The following PCDHGC3 variants were observed in gnomAD, a reference collection of about 807,000 sequenced individuals.
The protein encoded by PCDHGC3 is protocadherin gamma-C3.
In PCDHGC3, 26 loss-of-function variants were observed where a neutral mutation model predicts 59.2. The observed-to-expected ratio is 0.44, with a 90% CI of 0.32 to 0.61. PCDHGC3 has a LOEUF of 0.61. PCDHGC3 is among the 20% of genes least tolerant of loss of function. The pLI, the probability that PCDHGC3 is intolerant of heterozygous loss-of-function variation, is 0.05. For missense variants in PCDHGC3, 1,080 were observed against 1,221.8 expected, an observed-to-expected ratio of 0.88 and a Z score of 1.73; for synonymous variants, 487 against 519.7, an observed-to-expected ratio of 0.94 and a Z score of 0.86.
chr5:141,491,571 C>G lies in PCDHGC3; in HGVS notation c.2431-3236C>G. The G allele has an allele frequency of 6.2e-7, 1 of 1,614,026 alleles. No individual in the cohort carries two copies. The highest frequency in any genetic ancestry group is 8.5e-7 in the Non-Finnish European group (1 of 1,180,042). ...CGCAGAGCCACTGCTACAGGACGTG[C>G]TTTTCACCGGCCTCGGACGGCAGTG... On this transcript the variant is annotated intron_variant, in intron 1 of 3. Transcript: ENST00000308177. This position sits in a 1 kb window ranked among gnomAD's most constrained non-coding sequence, Gnocchi z 6.9.
intron 1 of PCDHGC3, among the ~76,000 whole-genome samples, chr5:141,482,592 C>T (rs187714622): frequency 1.0e-4 from 15 of 142,934 alleles, no homozygotes; most frequent in East Asian, 6.1e-4. Context: ...TGGGACCAAA[C>T]GGGAAAAAAC....
intron 1 of PCDHGC3, among the ~76,000 whole-genome samples, chr5:141,478,961 C>T (rs887338339): frequency 6.6e-6 from 1 of 152,206 alleles, no homozygotes; most frequent in Non-Finnish European, 1.5e-5. Context: ...CCTCATTCCT[C>T]CACCTTTCAA....
chr5:141,500,491 G>A (rs1595677531), intron 2 of PCDHGC3, among the ~76,000 whole-genome samples: 1 of 152,156 alleles, frequency 6.6e-6, no homozygotes, highest in East Asian at 1.9e-4. Context: ...TTACAGGCGT[G>A]AGCCACCGCG....
In PCDHGC3 at chr5:141,481,831, G is replaced by A. The variant is rs35816779; in HGVS notation, c.2430+3285G>A. On this transcript the variant is annotated intron_variant, in intron 1 of 3. Coordinates refer to ENST00000308177, the MANE Select transcript of PCDHGC3 (RefSeq NM_002588.4). ...ACCAGGCGTGGTGGCTGAGGCAGGAGAATCGCTTGATGGTGGAGGTTGCAG... is the reference window on the plus strand; with the variant it reads ...ACCAGGCGTGGTGGCTGAGGCAGGAAAATCGCTTGATGGTGGAGGTTGCAG... Among the ~76,000 whole-genome samples the A allele has an allele frequency of 1.9e-3, 280 of 149,560 alleles. 1 individual carries two copies. The highest frequency in any genetic ancestry group is 0.01 in the Middle Eastern group (3 of 290).
In PCDHGC3 at chr5:141,490,291, C is replaced by T; in HGVS notation, c.2431-4516C>T. 6.2e-7 allele frequency: 1 copy of T among 1,614,212 alleles called. No homozygotes were observed. Among genetic ancestry groups the T allele is most frequent in the Non-Finnish European group, 8.5e-7 (1 of 1,180,048 alleles). On this transcript the variant is annotated intron_variant, in intron 1 of 3. Transcript: ENST00000308177. The surrounding 1 kb of genome is among the most constrained non-coding windows in gnomAD (Gnocchi z 5.4). ...TGTCAATGACAATGCCCCAGAGGTG[C>T]TATTGGCCTCTTTGGCCAACCCTGT...
Position 141,485,875 on chromosome 5 carries a change from C to T in PCDHGC3, c.2430+7329C>T, listed in dbSNP as rs1254918181. The T allele has an allele frequency of 1.9e-6, 3 of 1,614,150 alleles. No homozygotes were observed. The highest frequency in any genetic ancestry group is 2.2e-5 in the East Asian group (1 of 44,862). On this transcript the variant is annotated intron_variant, in intron 1 of 3. Transcript: ENST00000308177. This position sits in a 1 kb window ranked among gnomAD's most constrained non-coding sequence, Gnocchi z 5.7. ...CAGAGCTCCGGGTATCCGTGCTGGACGTAAACGACAACGCCCCAGCCTTCC... is the reference window on the plus strand; with the variant it reads ...CAGAGCTCCGGGTATCCGTGCTGGATGTAAACGACAACGCCCCAGCCTTCC...
At chr5:141,499,025 GAAGA>G (rs1309889371) in intron 2 of PCDHGC3, among the ~76,000 whole-genome samples, 11 of 140,712 alleles carry the variant, frequency 7.8e-5, no homozygotes, top group African/African-American at 2.6e-4. Flanking sequence ...AGGAAGGAAG[GAAGA>G]AAAGAAAGAA....
Position 141,491,620 on chromosome 5 carries a change from A to C in PCDHGC3, c.2431-3187A>C. On this transcript the variant is annotated intron_variant, in intron 1 of 3. Coordinates refer to ENST00000308177, the MANE Select transcript of PCDHGC3 (RefSeq NM_002588.4). This position sits in a 1 kb window ranked among gnomAD's most constrained non-coding sequence, Gnocchi z 6.9. ...TGACTTCACTTTTCTAAGACCCCTC[A>C]GCGTTCAGCAGCCCACAGCTCTGGC... is the stretch of plus-strand genomic sequence containing the variant. 6.2e-7 allele frequency: 1 copy of C among 1,613,906 alleles called. No individual in the cohort carries two copies. The highest frequency in any genetic ancestry group is 1.1e-5 in the South Asian group (1 of 91,084).
rs1283050252 is a variant in PCDHGC3, at chr5:141,512,909, T to G, written c.*1736T>G. ...CCTCTTCCTGTGTCTCACGCAAGTT[T>G]TATACTCTAATATTTATATGGCTTT... On this transcript the variant is annotated 3_prime_UTR_variant, in exon 4 of 4. Coordinates refer to ENST00000308177, the MANE Select transcript of PCDHGC3 (RefSeq NM_002588.4). 6.6e-6 allele frequency: 1 copy of G among 152,268 alleles called. No homozygotes were observed. The highest frequency in any genetic ancestry group is 1.5e-5 in the Non-Finnish European group (1 of 68,056). 9.4% of individuals were successfully genotyped at this position (152,268 alleles called of 1,614,324 possible).
Position 141,491,795 on chromosome 5 carries a change from C to T in PCDHGC3, c.2431-3012C>T. On this transcript the variant is annotated intron_variant, in intron 1 of 3. Coordinates refer to ENST00000308177, the MANE Select transcript of PCDHGC3 (RefSeq NM_002588.4). This position sits in a 1 kb window ranked among gnomAD's most constrained non-coding sequence, Gnocchi z 6.9. ...GGATTGAACTTGCATCCACTCCTCT[C>T]CGGCCGGCTTGGTCGCTGGCTGCGC... 6 of 1,511,694 alleles carry T rather than the reference C, an allele frequency of 4.0e-6. No individual in the cohort carries two copies. Among genetic ancestry groups the T allele is most frequent in the Non-Finnish European group, 5.3e-6 (6 of 1,130,430 alleles). 93.6% of individuals were successfully genotyped at this position (1,511,694 alleles called of 1,614,324 possible).
rs1161697588 is a variant in PCDHGC3, at chr5:141,491,464, T to C, written c.2431-3343T>C. 7 of 1,613,982 alleles carry C rather than the reference T, an allele frequency of 4.3e-6. No homozygotes were observed. In the African/African-American group the frequency reaches 9.3e-5, roughly 22 times the overall value. On this transcript the variant is annotated intron_variant, in intron 1 of 3. Transcript: ENST00000308177. This position sits in a 1 kb window ranked among gnomAD's most constrained non-coding sequence, Gnocchi z 6.9. ...CCAGGACTCACCCTCCCCGGACTTCTATAAGCAGTCCAGCCCCAACCTGCA... is the reference window on the plus strand; with the variant it reads ...CCAGGACTCACCCTCCCCGGACTTCCATAAGCAGTCCAGCCCCAACCTGCA...
rs1446853595 is a variant in PCDHGC3, at chr5:141,491,363, C to T, written c.2431-3444C>T. ...ACCGTCAGTCTCTTATCCCTAGTCA[C>T]CTTCACCTTTCTGTCAGCGAAGTGC... On this transcript the variant is annotated intron_variant, in intron 1 of 3. Coordinates refer to ENST00000308177, the MANE Select transcript of PCDHGC3 (RefSeq NM_002588.4). This position sits in a 1 kb window ranked among gnomAD's most constrained non-coding sequence, Gnocchi z 6.9. The T allele has an allele frequency of 6.2e-7, 1 of 1,614,182 alleles. No individual in the cohort carries two copies. Among genetic ancestry groups the T allele is most frequent in the South Asian group, 1.1e-5 (1 of 91,082 alleles).
At position 141,478,359 on chromosome 5, in the gene PCDHGC3, G is replaced by A; in HGVS notation, c.2243G>A (p.Arg748Gln). 6.2e-7 allele frequency: 1 copy of A among 1,613,734 alleles called. No individual in the cohort carries two copies. The highest frequency in any genetic ancestry group is 8.5e-7 in the Non-Finnish European group (1 of 1,180,010). Residue 748 changes from arginine (R) to glutamine (Q), a missense_variant, in exon 1 of 4, where the codon CGG becomes CAG. By Grantham distance (43) the Arg-to-Gln change is conservative (BLOSUM62 1). Coordinates refer to ENST00000308177, the MANE Select transcript of PCDHGC3 (RefSeq NM_002588.4). ...CCCTCCTTGCACGCGGACGCCGTGCGGGGAGGCCTGATGTCGCCGCACCTT... is the reference window on the plus strand; with the variant it reads ...CCCTCCTTGCACGCGGACGCCGTGCAGGGAGGCCTGATGTCGCCGCACCTT... ...PGPSLHADAV[R>Q]GGLMSPHLYH... is the part of the protein sequence containing the mutation.
intron 2 of PCDHGC3, among the ~76,000 whole-genome samples, chr5:141,498,411 C>T (rs747823234): frequency 2.0e-5 from 3 of 152,158 alleles, no homozygotes; most frequent in Non-Finnish European, 4.4e-5. Context: ...TTTCTCTTTG[C>T]TGGCACTGGA....
Position 141,491,965 on chromosome 5 carries a change from G to A in PCDHGC3, c.2431-2842G>A. 1 of 946,810 alleles carries A rather than the reference G, an allele frequency of 1.1e-6. No individual in the cohort carries two copies. Among genetic ancestry groups the A allele is most frequent in the Non-Finnish European group, 1.5e-6 (1 of 672,398 alleles). 58.7% of individuals were successfully genotyped at this position (946,810 alleles called of 1,614,324 possible). On this transcript the variant is annotated intron_variant, in intron 1 of 3. Coordinates refer to ENST00000308177, the MANE Select transcript of PCDHGC3 (RefSeq NM_002588.4). The surrounding 1 kb of genome is among the most constrained non-coding windows in gnomAD (Gnocchi z 6.9). ...CCCACCCCTACACTCAAAAAAGGCC[G>A]GGGCCTCCTTCGAGCTTCCGGTGAA...
intron 1 of PCDHGC3, among the ~76,000 whole-genome samples, chr5:141,482,755 T>TGAAGTGGGAGAATTGCTTGAGCCTGGG (rs1554165462): frequency 6.3e-5 from 9 of 143,570 alleles, no homozygotes; most frequent in African/African-American, 1.4e-4. Context: ...GGGATTATGG[T>TGAAGTGGGAGAATTGCTTGAGCCTGGG]ATTTCATTAT....
Position 141,486,484 on chromosome 5 carries a change from C to A in PCDHGC3, c.2430+7938C>A. On this transcript the variant is annotated intron_variant, in intron 1 of 3. Transcript: ENST00000308177. This position sits in a 1 kb window ranked among gnomAD's most constrained non-coding sequence, Gnocchi z 5.0. ...ATGCTGGGAACCCTCCTCTCAGTAC[C>A]CACAGAACTATTTTCCTCAATATTT... is the stretch of plus-strand genomic sequence containing the variant. 5 of 1,614,102 alleles carry A rather than the reference C, an allele frequency of 3.1e-6. No homozygotes were observed. Among genetic ancestry groups the A allele is most frequent in the Non-Finnish European group, 4.2e-6 (5 of 1,179,930 alleles).
Position 141,510,985 on chromosome 5 carries a change from G to A in PCDHGC3, c.2617G>A (p.Gly873Ser), listed in dbSNP as rs1278517639. Residue 873 changes from glycine to serine, a missense_variant, in exon 4 of 4, where the codon GGC becomes AGC. Transcript: ENST00000308177. ...DGSSTLGGGA[G>S]TMGLSARYGP... ...GAGCTCCACCCTGGGAGGGGGTGCCGGCACCATGGGATTGAGCGCCCGCTA... is the reference window on the plus strand; with the variant it reads ...GAGCTCCACCCTGGGAGGGGGTGCCAGCACCATGGGATTGAGCGCCCGCTA... 19 of 1,614,090 alleles carry A rather than the reference G, an allele frequency of 1.2e-5. No individual in the cohort carries two copies. The highest frequency in any genetic ancestry group is 2.2e-5 in the East Asian group (1 of 44,880).
chr5:141,503,630 A>G, intron 2 of PCDHGC3, among the ~76,000 whole-genome samples: 1 of 152,088 alleles, frequency 6.6e-6, no homozygotes, highest in Admixed American at 6.6e-5. Flanking sequence ...AAGAAAAGAA[A>G]TAATTATTGA....
Sources: allele counts gnomAD v4.1 joint callset (sites outside exome capture counted in the v4.1 genomes callset), GRCh38; gene constraint gnomAD v4.1.1; non-coding constraint Gnocchi (gnomAD v3.1); transcripts MANE v1.5; gene names NCBI Gene and HGNC (gene_info 2026-07-23, HGNC 2026-07-21).